The following SCN1A variants were observed in gnomAD, a reference collection of about 807,000 sequenced individuals.
SCN1A encodes sodium voltage-gated channel alpha subunit 1.
SCN1A carries 13 observed loss-of-function variants against 193.7 expected under a neutral mutation model. The ratio of observed to expected loss-of-function variants is 0.07; its 90% CI spans 0.04 to 0.11. The LOEUF (loss-of-function observed/expected upper bound fraction) is 0.11. Among genes scored for constraint, SCN1A ranks in the 10% least tolerant of loss-of-function variants. The probability of loss-of-function intolerance (pLI) is 1.00; values close to 1 mark genes in which losing one functional copy is unlikely to be tolerated. For missense variants in SCN1A, 1,432 were observed against 2,451.1 expected, an observed-to-expected ratio of 0.58 and a Z score of 8.78; for synonymous variants, 781 against 843.6, an observed-to-expected ratio of 0.93 and a Z score of 1.29.
At chr2:166,091,753 C>A (rs565771347) in intron 2 of SCN1A, among the ~76,000 whole-genome samples, 1 of 152,292 alleles carries the variant, frequency 6.6e-6, no homozygotes, top group Non-Finnish European at 1.5e-5. Flanking sequence ...ATCAACTAAA[C>A]GTCTTGTGCT....
At chr2:166,094,053 AC>A (rs1422402454) in intron 2 of SCN1A, among the ~76,000 whole-genome samples, 2 of 152,132 alleles carry the variant, frequency 1.3e-5, no homozygotes, top group African/African-American at 2.4e-5. Context: ...TCTTTCACAC[AC>A]ACACACACAC....
chr2:166,005,517 A>ATT (rs1217739465), intron 23 of SCN1A, among the ~76,000 whole-genome samples: 1 of 151,378 alleles, frequency 6.6e-6, no homozygotes, highest in Non-Finnish European at 1.5e-5. Flanking sequence ...GTTGGCATAC[A>ATT]TTTGGCCCAG....
At position 166,056,487 on chromosome 2, in the gene SCN1A, G is replaced by A; in HGVS notation, c.397C>T (p.Leu133=). ...TTTGTCAAAATAGTGCACATAATTA[G>A]CATGCTGAATAATGTAGGTTATTGT... is the stretch of plus-strand genomic sequence containing the variant. ...KILVHSLFSM[L]IMCTILTNCV... is the part of the protein sequence containing the mutation. The change falls in exon 6 of 29, where the codon CTA becomes TTA. Residue 133 remains leucine, a synonymous_variant. Coordinates refer to ENST00000674923, the MANE Select transcript of SCN1A (RefSeq NM_001165963.4). 6.3e-7 allele frequency: 1 copy of A among 1,594,474 alleles called. No homozygotes were observed. Among genetic ancestry groups the A allele is most frequent in the Non-Finnish European group, 8.6e-7 (1 of 1,162,430 alleles).
intron 2 of SCN1A, chr2:166,123,536 A>G (rs1489230307): frequency 6.6e-6 from 1 of 152,202 alleles, no homozygotes; most frequent in Non-Finnish European, 1.5e-5. Context: ...AGCGTAGAAC[A>G]AGGAGTTTGA....
chr2:166,084,658 C>T (rs1234176614), intron 2 of SCN1A, among the ~76,000 whole-genome samples: 1 of 152,118 alleles, frequency 6.6e-6, no homozygotes, highest in African/African-American at 2.4e-5. Flanking sequence ...TACATTCCTT[C>T]TTTGGAAATA....
rs142110034 is a variant in SCN1A, at chr2:166,008,565, A to G, written c.4002+1154T>C. On this transcript the variant is annotated intron_variant, in intron 23 of 28. Transcript: ENST00000674923. ...GAAAATTTGAGGCTCTCTGTGAGAA[A>G]TAAAAGAGGACTACTTGTATTATAT... is the stretch of plus-strand genomic sequence containing the variant. Among the ~76,000 whole-genome samples the G allele has an allele frequency of 3.6e-3, 544 of 151,268 alleles. 6 individuals are homozygous for G. The highest frequency in any genetic ancestry group is 1.8e-3 in the Non-Finnish European group (121 of 67,390).
At chr2:166,098,517 GGA>G (rs1324951161) in intron 2 of SCN1A, among the ~76,000 whole-genome samples, 1 of 152,052 alleles carries the variant, frequency 6.6e-6, no homozygotes, top group Non-Finnish European at 1.5e-5. Context: ...CAACCAGGCA[GGA>G]GAAAGAAATA....
chr2:166,125,995 A>C (rs1333556607), intron 2 of SCN1A, among the ~76,000 whole-genome samples: 1 of 152,224 alleles, frequency 6.6e-6, no homozygotes, highest in Non-Finnish European at 1.5e-5. Flanking sequence ...GAAACAAAAC[A>C]GACAAACAAT....
At chr2:166,144,234 C>T (rs1478560593) in intron 1 of SCN1A, among the ~76,000 whole-genome samples, 4 of 152,170 alleles carry the variant, frequency 2.6e-5, no homozygotes, top group African/African-American at 9.7e-5. Context: ...TACTGACACT[C>T]TCTATATGTC....
chr2:165,987,148 T>C lies in SCN1A; in HGVS notation c.*4097A>G, dbSNP rs1688661614. ...TTTTAAGGAGTTCAGTCCACTTATT[T>C]TATAGAGTGTCCTCAATTTGATTTT... is the stretch of plus-strand genomic sequence containing the variant. On this transcript the variant is annotated 3_prime_UTR_variant, in exon 29 of 29. Coordinates refer to ENST00000674923, the MANE Select transcript of SCN1A (RefSeq NM_001165963.4). 1 of 152,136 alleles carries C rather than the reference T, an allele frequency of 6.6e-6. No homozygotes were observed. 9.4% of individuals were successfully genotyped at this position (152,136 alleles called of 1,614,324 possible). A position where few individuals can be genotyped will look rare whatever the true frequency, so the allele number is the denominator to read the frequency against.
intron 19 of SCN1A, among the ~76,000 whole-genome samples, chr2:166,019,096 T>C (rs910310581): frequency 6.6e-6 from 1 of 152,152 alleles, no homozygotes; most frequent in Non-Finnish European, 1.5e-5. Flanking sequence ...TTCTCCAAAT[T>C]GTAAAACATT....
At chr2:166,118,734 C>T (rs1690194381) in intron 2 of SCN1A, among the ~76,000 whole-genome samples, 1 of 152,092 alleles carries the variant, frequency 6.6e-6, no homozygotes, top group Admixed American at 6.5e-5. Context: ...TTTTCAAATC[C>T]ACTGAATTTC....
intron 2 of SCN1A, among the ~76,000 whole-genome samples, chr2:166,123,118 G>A (rs1690790284): frequency 6.6e-6 from 1 of 151,050 alleles, no homozygotes; most frequent in Admixed American, 6.7e-5. Context: ...TGGAATATGA[G>A]TCTTGAAGGA....
chr2:166,132,956 C>T (rs1195695205), upstream of SCN1A, among the ~76,000 whole-genome samples: 1 of 151,770 alleles, frequency 6.6e-6, no homozygotes, highest in African/African-American at 2.4e-5. Flanking sequence ...TTTTTTCTTA[C>T]AGATTTGATT....
chr2:166,016,745 T>G (rs1299962910), intron 19 of SCN1A: 1 of 151,980 alleles, frequency 6.6e-6, no homozygotes, highest in Non-Finnish European at 1.5e-5. Context: ...CTGAAATATC[T>G]ATTGTCCTTA....
intron 8 of SCN1A, 136 bp downstream of exon 8, chr2:166,052,716 T>C (rs1286650305): frequency 1.2e-6 from 1 of 801,098 alleles, no homozygotes; most frequent in Non-Finnish European, 2.1e-6. Context: ...ATAAAGCTTA[T>C]GTCTAAACAA....
At chr2:166,112,956 C>G (rs1689456021) in intron 2 of SCN1A, among the ~76,000 whole-genome samples, 1 of 152,162 alleles carries the variant, frequency 6.6e-6, no homozygotes, top group Non-Finnish European at 1.5e-5. Flanking sequence ...CTCTTCCAGG[C>G]TGTTCCTTTA....
intron 6 of SCN1A, among the ~76,000 whole-genome samples, chr2:166,055,365 G>C (rs947409399): frequency 6.6e-6 from 1 of 151,916 alleles, no homozygotes; most frequent in Non-Finnish European, 1.5e-5. Flanking sequence ...AGAAATTGGG[G>C]TGTGAGAGTG....
rs889685339 is a variant in SCN1A at position 165,986,550 on chromosome 2, A to G, written c.*4695T>C. The G allele has an allele frequency of 5.3e-5, 8 of 152,146 alleles. No individual in the cohort carries two copies. Among genetic ancestry groups the G allele is most frequent in the African/African-American group, 1.9e-4 (8 of 41,456 alleles). 9.4% of individuals were successfully genotyped at this position (152,146 alleles called of 1,614,324 possible). On this transcript the variant is annotated 3_prime_UTR_variant, in exon 29 of 29. Coordinates refer to ENST00000674923, the MANE Select transcript of SCN1A (RefSeq NM_001165963.4). ...ACTTTTCAGGAAGATTACTGCTAGG[A>G]AATGAGAATAGTAGTTAAAAAACCA...
Sources: gnomAD v4.1 joint callset for allele counts (sites outside exome capture counted in the v4.1 genomes callset) on GRCh38, gnomAD v4.1.1 for gene constraint, MANE v1.5 for transcripts, NCBI Gene and HGNC (gene_info 2026-07-23, HGNC 2026-07-21) for gene names.